Variants in SCLT1 observed in about 807,000 individuals in gnomAD.
SCLT1 encodes sodium channel-associated protein 1.
A neutral mutation model predicts 112.8 loss-of-function variants in SCLT1; 78 were observed. That is an observed-to-expected ratio of 0.69 (90% CI 0.58 to 0.83). The LOEUF is 0.83. Ranked by LOEUF, SCLT1 falls within the 40% of genes least tolerant of loss-of-function variation. The pLI, the probability that SCLT1 is intolerant of heterozygous loss-of-function variation, is 0.00. For missense variants in SCLT1, 747 were observed against 770.4 expected (o/e 0.97, Z 0.36); for synonymous variants, 257 against 254.7 (o/e 1.01, Z -0.09).
chr4:129,007,936 C>T (rs924592598), intron 5 of SCLT1, among the ~76,000 whole-genome samples: 5 of 152,096 alleles, frequency 3.3e-5, no homozygotes, highest in Non-Finnish European at 7.4e-5. Context: ...GCCCAGACAT[C>T]GTAACATGCC....
chr4:128,918,805 C>T (rs994233980), intron 18 of SCLT1, among the ~76,000 whole-genome samples: 3 of 152,082 alleles, frequency 2.0e-5, no homozygotes, highest in African/African-American at 7.2e-5. Flanking sequence ...AGTCTTTAAA[C>T]CCATAATGAT....
At chr4:129,083,937 A>G (rs1752177094) in intron 1 of SCLT1, among the ~76,000 whole-genome samples, 1 of 152,192 alleles carries the variant, frequency 6.6e-6, no homozygotes, top group African/African-American at 2.4e-5. Flanking sequence ...ACAAAAAATG[A>G]TAAGAAATAT....
intron 9 of SCLT1, among the ~76,000 whole-genome samples, chr4:128,980,944 C>A (rs762571601): frequency 6.6e-6 from 1 of 152,012 alleles, no homozygotes; most frequent in Non-Finnish European, 1.5e-5. Context: ...AATAGAAAAT[C>A]CACATGAATA....
intron 9 of SCLT1, among the ~76,000 whole-genome samples, chr4:128,991,447 A>G (rs564092955): frequency 6.6e-6 from 1 of 151,944 alleles, no homozygotes; most frequent in East Asian, 1.9e-4. Flanking sequence ...TCAAAAGTAC[A>G]GGCAACCAAA....
chr4:129,090,272 G>A (rs576863202), intron 1 of SCLT1, among the ~76,000 whole-genome samples: 31 of 152,260 alleles, frequency 2.0e-4, no homozygotes, highest in Admixed American at 9.8e-4. Context: ...TGGGGTACTG[G>A]TGTCCAGACA....
chr4:128,959,154 A>G (rs1007678255), intron 12 of SCLT1, among the ~76,000 whole-genome samples: 5 of 152,206 alleles, frequency 3.3e-5, no homozygotes, highest in African/African-American at 1.2e-4. Flanking sequence ...AAAAAAGAAC[A>G]GTGACATGAA....
intron 16 of SCLT1, among the ~76,000 whole-genome samples, chr4:128,944,174 T>C (rs1389346364): frequency 2.0e-5 from 3 of 152,120 alleles, no homozygotes; most frequent in Non-Finnish European, 4.4e-5. Context: ...GTAAACTGTT[T>C]CCTACATTAA....
At chr4:128,926,459 A>C (rs1184941086) in intron 18 of SCLT1, among the ~76,000 whole-genome samples, 1 of 152,110 alleles carries the variant, frequency 6.6e-6, no homozygotes, top group Non-Finnish European at 1.5e-5. Context: ...GGAATTCCAT[A>C]CCCAGCAAAA....
At chr4:129,019,532 T>C (rs1426217662) in intron 5 of SCLT1, among the ~76,000 whole-genome samples, 1 of 152,062 alleles carries the variant, frequency 6.6e-6, no homozygotes, top group Non-Finnish European at 1.5e-5. Flanking sequence ...GTCAGACAAA[T>C]ATAGTGGCAT....
chr4:129,048,938 T>C (rs868346323), intron 2 of SCLT1, among the ~76,000 whole-genome samples: 4 of 152,078 alleles, frequency 2.6e-5, no homozygotes, highest in Middle Eastern at 3.4e-3. Flanking sequence ...AGATACCATC[T>C]CAAACCAGTT....
chr4:129,050,344 C>T (rs968036671), intron 2 of SCLT1, among the ~76,000 whole-genome samples: 1 of 152,142 alleles, frequency 6.6e-6, no homozygotes, highest in Non-Finnish European at 1.5e-5. Flanking sequence ...CTAATTTACA[C>T]TCCCACCAGC....
intron 5 of SCLT1, among the ~76,000 whole-genome samples, chr4:129,006,517 G>A (rs1353164361): frequency 2.2e-5 from 3 of 135,076 alleles, no homozygotes; most frequent in Non-Finnish European, 3.1e-5. Flanking sequence ...CAGCCTGGGC[G>A]ACAGAGCAAG....
At chr4:129,080,627 G>A (rs952754817) in intron 2 of SCLT1, among the ~76,000 whole-genome samples, 1 of 152,124 alleles carries the variant, frequency 6.6e-6, no homozygotes, top group Admixed American at 6.5e-5. Context: ...CATTCAACAA[G>A]TCTCTTGGAA....
In SCLT1 at chr4:128,956,976, T is replaced by C. The variant is rs182888751; in HGVS notation, c.1146+50A>G. ...ACAAATATTTAGGTAGAATTTAGTCTTTAGTTGTGACTTAAATTCTGAATT... is the reference window on the plus strand; with the variant it reads ...ACAAATATTTAGGTAGAATTTAGTCCTTAGTTGTGACTTAAATTCTGAATT... On this transcript the variant is annotated intron_variant, in intron 13 of 20. Transcript: ENST00000281142. 3.6e-3 allele frequency: 3,543 copies of C among 998,018 alleles called. 10 individuals carry two copies. Among genetic ancestry groups the C allele is most frequent in the Non-Finnish European group, 4.5e-3 (2,994 of 662,476 alleles). 61.8% of individuals were successfully genotyped at this position (998,018 alleles called of 1,614,324 possible). A position where few individuals can be genotyped will look rare whatever the true frequency, so the allele number is the denominator to read the frequency against.
At chr4:129,029,542 G>T (rs1227922552) in intron 5 of SCLT1, among the ~76,000 whole-genome samples, 1 of 147,716 alleles carries the variant, frequency 6.8e-6, no homozygotes, top group South Asian at 2.3e-4. Context: ...TGGAGGGAGG[G>T]GGGAGGGATA....
chr4:129,092,954 T>A, intron 1 of SCLT1, 116 bp downstream of exon 1: 1 of 793,632 alleles, frequency 1.3e-6, no homozygotes, highest in Non-Finnish European at 2.2e-6. Flanking sequence ...TGCAACTAAC[T>A]TCTTTAACTC....
chr4:129,087,488 A>T (rs1752493288), intron 1 of SCLT1, among the ~76,000 whole-genome samples: 1 of 151,882 alleles, frequency 6.6e-6, no homozygotes, highest in African/African-American at 2.4e-5. Context: ...TGGGAAGGAA[A>T]AAAAAAAAGG....
chr4:128,894,725 CT>C (rs1733605768), intron 18 of SCLT1, among the ~76,000 whole-genome samples: 1 of 152,024 alleles, frequency 6.6e-6, no homozygotes, highest in Admixed American at 6.6e-5. Context: ...GTCTCCCCGG[CT>C]TGAGTGCAGT....
intron 9 of SCLT1, among the ~76,000 whole-genome samples, chr4:128,976,439 T>C (rs1035357450): frequency 3.3e-5 from 5 of 152,218 alleles, no homozygotes; most frequent in African/African-American, 1.2e-4. Flanking sequence ...TAATCTATTA[T>C]TGATCAGACT....
Sources: gnomAD v4.1 joint callset for allele counts (sites outside exome capture counted in the v4.1 genomes callset) on GRCh38, gnomAD v4.1.1 for gene constraint, MANE v1.5 for transcripts, NCBI Gene and HGNC (gene_info 2026-07-23, HGNC 2026-07-21) for gene names.